UNC79: variants seen among roughly 807,000 people sequenced by gnomAD.
UNC79 encodes unc-79 subunit of NALCN channel complex.
In UNC79, 37 loss-of-function variants were observed where a neutral mutation model predicts 283.1. That is an observed-to-expected ratio of 0.13 (90% CI 0.10 to 0.17). The LOEUF is 0.17. Among genes scored for constraint, UNC79 ranks in the 10% least tolerant of loss-of-function variants. The probability of loss-of-function intolerance (pLI) is 1.00; values close to 1 mark genes in which losing one functional copy is unlikely to be tolerated. For missense variants in UNC79, 2,272 were observed against 3,211.1 expected (o/e 0.71, Z 7.07); for synonymous variants, 1,107 against 1,200.2 (o/e 0.92, Z 1.61).
intron 35 of UNC79, among the ~76,000 whole-genome samples, chr14:93,653,287 A>G (rs2070509099): frequency 1.3e-5 from 2 of 151,434 alleles, no homozygotes; most frequent in African/African-American, 4.8e-5. Context: ...AAAACTTCCC[A>G]CATCTCCTAA....
At chr14:93,485,980 T>C (rs2058403120) in intron 4 of UNC79, among the ~76,000 whole-genome samples, 1 of 152,236 alleles carries the variant, frequency 6.6e-6, no homozygotes, top group Admixed American at 6.5e-5. Context: ...TTTATTAGTG[T>C]TTTGATGATT....
intron 27 of UNC79, among the ~76,000 whole-genome samples, chr14:93,616,166 T>C (rs1485527475): frequency 6.6e-6 from 1 of 152,132 alleles, no homozygotes; most frequent in Non-Finnish European, 1.5e-5. Context: ...CATAGTTTTC[T>C]GTAGTTATAC....
chr14:93,568,574 G>A (rs1381975078), intron 14 of UNC79, among the ~76,000 whole-genome samples: 1 of 152,098 alleles, frequency 6.6e-6, no homozygotes, highest in African/African-American at 2.4e-5. Context: ...GGGAGGCTGA[G>A]GCAGGAGAAT....
intron 1 of UNC79, among the ~76,000 whole-genome samples, chr14:93,372,211 C>T (rs1043061876): frequency 2.6e-5 from 4 of 152,080 alleles, no homozygotes; most frequent in Non-Finnish European, 5.9e-5. Flanking sequence ...ATAATAGCAA[C>T]AATGTATTCA....
At chr14:93,353,586 C>T (rs374644216) in intron 1 of UNC79, among the ~76,000 whole-genome samples, 12 of 152,216 alleles carry the variant, frequency 7.9e-5, no homozygotes, top group African/African-American at 2.4e-4. Flanking sequence ...ATCACCCTGT[C>T]CCATATCGTT....
chr14:93,390,040 T>C (rs2054854418), intron 1 of UNC79, among the ~76,000 whole-genome samples: 1 of 152,224 alleles, frequency 6.6e-6, no homozygotes, highest in Admixed American at 6.5e-5. Context: ...TTAATCTCTC[T>C]CATGAACAAA....
chr14:93,525,151 G>A (rs1052949223), intron 8 of UNC79, among the ~76,000 whole-genome samples: 2 of 152,088 alleles, frequency 1.3e-5, no homozygotes, highest in African/African-American at 4.8e-5. Flanking sequence ...TTGATATTAA[G>A]AGCAGGTAAC....
intron 14 of UNC79, among the ~76,000 whole-genome samples, chr14:93,567,609 C>T (rs951412586): frequency 6.6e-6 from 1 of 152,210 alleles, no homozygotes; most frequent in African/African-American, 2.4e-5. Context: ...AGTCTCTGAG[C>T]CTACTCTGGC....
downstream of UNC79, chr14:93,707,156 T>A: frequency 2.5e-6 from 1 of 400,374 alleles, no homozygotes; most frequent in Non-Finnish European, 4.4e-6. Context: ...CATTTTTCTT[T>A]AACTAACTTC....
At chr14:93,351,127 G>A (rs767545673) in intron 1 of UNC79, among the ~76,000 whole-genome samples, 11 of 152,166 alleles carry the variant, frequency 7.2e-5, no homozygotes, top group Non-Finnish European at 1.6e-4. Flanking sequence ...CCCATAAAGA[G>A]AAGCAATTAC....
intron 20 of UNC79, among the ~76,000 whole-genome samples, chr14:93,586,386 A>C (rs2064225127): frequency 6.6e-6 from 1 of 152,236 alleles, no homozygotes; most frequent in African/African-American, 2.4e-5. Flanking sequence ...TGGAAAATGG[A>C]AACTGAGAAT....
At chr14:93,654,817 T>TG (rs1330555573) in intron 37 of UNC79, among the ~76,000 whole-genome samples, 1 of 152,038 alleles carries the variant, frequency 6.6e-6, no homozygotes, top group African/African-American at 2.4e-5. Flanking sequence ...TCAAGAGACT[T>TG]GGGTTCAAGT....
chr14:93,585,044 CA>C (rs529705818), intron 20 of UNC79, among the ~76,000 whole-genome samples: 104 of 152,320 alleles, frequency 6.8e-4, no homozygotes, highest in African/African-American at 2.3e-3. Flanking sequence ...TATTGTTATA[CA>C]GTCCACTTAT....
chr14:93,442,912 A>C (rs147024584), intron 1 of UNC79, among the ~76,000 whole-genome samples: 1 of 152,064 alleles, frequency 6.6e-6, no homozygotes, highest in Non-Finnish European at 1.5e-5. Context: ...AACATGGCAA[A>C]ACCCTATATC....
chr14:93,453,283 T>A (rs2140179839), intron 1 of UNC79, among the ~76,000 whole-genome samples: 1 of 152,356 alleles, frequency 6.6e-6, no homozygotes, highest in East Asian at 1.9e-4. Context: ...AGGTGGTTGA[T>A]AATTCAGATA....
intron 10 of UNC79, 87 bp from the exon 11 acceptor site, chr14:93,532,463 C>T: frequency 6.8e-7 from 1 of 1,461,086 alleles, no homozygotes; most frequent in Non-Finnish European, 9.3e-7. Context: ...GAGTGAGCCA[C>T]TGTCTCAAAA....
chr14:93,641,321 T>C (rs2069013434), intron 33 of UNC79, 74 bp downstream of exon 36: 3 of 1,422,632 alleles, frequency 2.1e-6, no homozygotes, highest in Non-Finnish European at 2.9e-6. Flanking sequence ...TGAGAAAGTT[T>C]CAGAAAAAGC....
At chr14:93,585,254 CT>C (rs1179931653) in intron 20 of UNC79, among the ~76,000 whole-genome samples, 1 of 152,112 alleles carries the variant, frequency 6.6e-6, no homozygotes, top group Non-Finnish European at 1.5e-5. Flanking sequence ...CTCTGCAGGC[CT>C]TAAGACCAGG....
At chr14:93,534,388 G>A (rs66755556) in intron 11 of UNC79, among the ~76,000 whole-genome samples, 11,924 of 152,122 alleles carry the variant, frequency 0.078, 522 homozygotes, top group Middle Eastern at 0.14. Context: ...TTAGAACTGC[G>A]TCTCTTTAGT....
Sources: gnomAD v4.1 joint callset for allele counts (sites outside exome capture counted in the v4.1 genomes callset) on GRCh38, gnomAD v4.1.1 for gene constraint, MANE v1.5 for transcripts, NCBI Gene and HGNC (gene_info 2026-07-23, HGNC 2026-07-21) for gene names.